IGBP1: variants seen among roughly 807,000 people sequenced by gnomAD.
The protein encoded by IGBP1 is immunoglobulin-binding protein 1.
IGBP1 carries 2 observed loss-of-function variants against 25.9 expected under a neutral mutation model. That is an observed-to-expected ratio of 0.08 (90% CI 0.03 to 0.24). IGBP1 has a LOEUF of 0.24. Ranked by LOEUF, IGBP1 falls within the 10% of genes least tolerant of loss-of-function variation. IGBP1 has a pLI of 1.00. For synonymous variants in IGBP1, 96 were observed against 93.4 expected, an observed-to-expected ratio of 1.03 and a Z score of -0.16; for missense variants, 187 against 260.4, an observed-to-expected ratio of 0.72 and a Z score of 1.94.
At chrX:70,151,016 A>G (rs1282862544) in intron 6 of IGBP1, among the ~76,000 whole-genome samples, 1 of 108,412 alleles carries the variant, frequency 9.2e-6, no homozygotes, top group South Asian at 4.0e-4. Flanking sequence ...GCTGGAGTGC[A>G]ATGGCGCGAT....
chrX:70,134,404 C>T (rs1246104621), intron 2 of IGBP1, 119 bp from the exon 3 acceptor site: 4 of 760,757 alleles, frequency 5.3e-6, no homozygotes, highest in Non-Finnish European at 7.9e-6. Flanking sequence ...GGCCGCTGTT[C>T]CCCGTGCCTC....
chrX:70,148,719 T>C, intron 4 of IGBP1, 42 bp from the exon 5 acceptor site: 4 of 967,267 alleles, frequency 4.1e-6, no homozygotes, highest in Non-Finnish European at 5.9e-6. Flanking sequence ...GTATGTTGGG[T>C]AAAATGGCAA....
intron 6 of IGBP1, 34 bp from the exon 7 acceptor site, chrX:70,165,798 AT>A: frequency 8.5e-7 from 1 of 1,178,749 alleles, no homozygotes; most frequent in East Asian, 3.1e-5. Flanking sequence ...CATTCCCTCA[AT>A]TTCTCACCTC....
chrX:70,155,865 A>G (rs1313201064), intron 6 of IGBP1, among the ~76,000 whole-genome samples: 4 of 111,551 alleles, frequency 3.6e-5, no homozygotes, highest in African/African-American at 6.5e-5. Context: ...TAAAGTGGCA[A>G]TTTATCAGGG....
Position 70,166,024 on chromosome X carries a change from T to C in IGBP1, c.*43T>C, listed in dbSNP as rs779376940. On this transcript the variant is annotated 3_prime_UTR_variant, in exon 7 of 7. Transcript: ENST00000356413. ...AGGACTGCAGGGTGCACAACTCCCC[T>C]GCCAAGGAAAACCATGCAGTCCTCC... The C allele has an allele frequency of 9.2e-6, 11 of 1,189,562 alleles. No homozygotes were observed. The highest frequency in any genetic ancestry group is 1.3e-5 in the Non-Finnish European group (11 of 877,295).
chrX:70,139,158 A>G (rs1298399568), intron 3 of IGBP1, among the ~76,000 whole-genome samples: 1 of 110,445 alleles, frequency 9.1e-6, no homozygotes, highest in Non-Finnish European at 1.9e-5. Context: ...AAAAATACAA[A>G]AATTAGCCAG....
chrX:70,154,772 C>T (rs1432302073), intron 6 of IGBP1, among the ~76,000 whole-genome samples: 1 of 96,831 alleles, frequency 1.0e-5, no homozygotes, highest in Non-Finnish European at 2.0e-5. Context: ...TGGTTCGTGC[C>T]TGTAGTCCCA....
At chrX:70,144,747 A>C (rs1231179325) in intron 3 of IGBP1, among the ~76,000 whole-genome samples, 1 of 89,268 alleles carries the variant, frequency 1.1e-5, no homozygotes, top group Admixed American at 1.6e-4. Context: ...GCAACCTCTC[A>C]CTCCCTGGTT....
intron 6 of IGBP1, among the ~76,000 whole-genome samples, chrX:70,154,939 C>T (rs1441215660): frequency 1.8e-5 from 2 of 108,492 alleles, no homozygotes; most frequent in Non-Finnish European, 3.8e-5. Flanking sequence ...GGGCCAAAAA[C>T]CTTAACAGAT....
chrX:70,158,052 C>G (rs1247873749), intron 6 of IGBP1, among the ~76,000 whole-genome samples: 1 of 112,172 alleles, frequency 8.9e-6, no homozygotes, highest in Non-Finnish European at 1.9e-5. Flanking sequence ...GGCATCTGTG[C>G]AGGAGAAAAC....
At chrX:70,140,580 C>A (rs935614970) in intron 3 of IGBP1, among the ~76,000 whole-genome samples, 4 of 112,396 alleles carry the variant, frequency 3.6e-5, no homozygotes, top group African/African-American at 1.3e-4. Context: ...ACAAATTACT[C>A]AGATCCTTAT....
chrX:70,133,792 A>G lies in IGBP1; in HGVS notation c.-156A>G, dbSNP rs1001739390. The G allele has an allele frequency of 1.0e-5, 5 of 485,511 alleles. No homozygotes were observed. In the Admixed American group the frequency reaches 1.8e-4, roughly 17 times the overall value. The allele number at this position is 485,511 out of a possible 1,213,427, so 40.0% of individuals were successfully genotyped here. On this transcript the variant is annotated 5_prime_UTR_variant, in exon 2 of 7. Coordinates refer to ENST00000356413, the MANE Select transcript of IGBP1 (RefSeq NM_001551.3). ...GAAACGGTTGCCAGGGCCGGCTAACAGCGGCTCCCGGAAGTCCTTTGATGC... is the reference window on the plus strand; with the variant it reads ...GAAACGGTTGCCAGGGCCGGCTAACGGCGGCTCCCGGAAGTCCTTTGATGC...
intron 3 of IGBP1, among the ~76,000 whole-genome samples, chrX:70,142,570 G>C (rs1172777928): frequency 1.8e-5 from 2 of 110,732 alleles, no homozygotes; most frequent in Non-Finnish European, 3.8e-5. Flanking sequence ...TTTAATCGCA[G>C]CACTTTGGGA....
intron 3 of IGBP1, among the ~76,000 whole-genome samples, chrX:70,137,788 G>A (rs1015803870): frequency 9.5e-6 from 1 of 105,074 alleles, no homozygotes; most frequent in African/African-American, 3.5e-5. Flanking sequence ...AGAGAAAGAT[G>A]AGGGAGTGGT....
intron 4 of IGBP1, 180 bp from the exon 5 acceptor site, chrX:70,148,581 C>T (rs1308181551): frequency 6.5e-6 from 3 of 458,149 alleles, no homozygotes; most frequent in East Asian, 3.8e-5. Context: ...ACTCAGGCCC[C>T]CTCAGGAGAG....
chrX:70,133,513 C>T lies in IGBP1; in HGVS notation c.-253C>T, dbSNP rs1040002328. 17 of 310,964 alleles carry T rather than the reference C, an allele frequency of 5.5e-5. No individual in the cohort carries two copies. The highest frequency in any genetic ancestry group is 5.6e-5 in the Non-Finnish European group (10 of 179,549). 25.6% of individuals were successfully genotyped at this position (310,964 alleles called of 1,213,427 possible). A position where few individuals can be genotyped will look rare whatever the true frequency, so the allele number is the denominator to read the frequency against. On this transcript the variant is annotated 5_prime_UTR_variant, in exon 1 of 7. Transcript: ENST00000356413. ...TGGTGCGGCGGCTAGAGTCCCTGGACTCCTCAACCTAGGGAGCTACTCGCG... is the reference window on the plus strand; with the variant it reads ...TGGTGCGGCGGCTAGAGTCCCTGGATTCCTCAACCTAGGGAGCTACTCGCG...
intron 3 of IGBP1, among the ~76,000 whole-genome samples, 193 bp downstream of exon 3, chrX:70,135,009 A>C (rs2085086652): frequency 8.9e-6 from 1 of 112,295 alleles, no homozygotes; most frequent in Admixed American, 9.4e-5. Context: ...GATTATACCT[A>C]CTTATCAGAC....
intron 3 of IGBP1, among the ~76,000 whole-genome samples, chrX:70,140,909 T>G (rs2085125361): frequency 8.9e-6 from 1 of 111,949 alleles, no homozygotes; most frequent in Admixed American, 9.6e-5. Flanking sequence ...GTTTTGTGAC[T>G]GATGTGAAAA....
intron 4 of IGBP1, among the ~76,000 whole-genome samples, chrX:70,147,950 T>C (rs1338149023): frequency 8.9e-6 from 1 of 112,375 alleles, no homozygotes; most frequent in Non-Finnish European, 1.9e-5. Context: ...GAACAATTAA[T>C]ATTCTAAGGT....
Sources: allele counts gnomAD v4.1 joint callset (sites outside exome capture counted in the v4.1 genomes callset), GRCh38; gene constraint gnomAD v4.1.1; transcripts MANE v1.5; gene names NCBI Gene and HGNC (gene_info 2026-07-23, HGNC 2026-07-21).